PDS5A: variants seen among roughly 807,000 people sequenced by gnomAD.
PDS5A encodes the protein sister chromatid cohesion protein PDS5 homolog A.
Under a neutral mutation model 167.1 loss-of-function variants are expected in PDS5A, and 42 were observed. That is an observed-to-expected ratio of 0.25 (90% CI 0.20 to 0.33). The LOEUF (loss-of-function observed/expected upper bound fraction) is 0.33, where lower values mean the gene tolerates loss of function less well. PDS5A is among the 10% of genes least tolerant of loss of function. The pLI is 1.00. For synonymous variants in PDS5A, 553 were observed against 554.6 expected (o/e 1.00, Z 0.04); for missense variants, 1,033 against 1,605.9 (o/e 0.64, Z 6.10).
intron 2 of PDS5A, among the ~76,000 whole-genome samples, chr4:39,937,854 G>A (rs909444793): frequency 4.6e-5 from 7 of 152,226 alleles, no homozygotes; most frequent in Admixed American, 3.9e-4. Flanking sequence ...CTCTGGTGGT[G>A]CCCTAAAGCA....
chr4:39,842,112 T>A lies in PDS5A; in HGVS notation c.3549-56A>T, dbSNP rs1333512321. The stretch of plus-strand genomic sequence containing the variant: ...ATTTCCATGAAGAGAAAGTTCACTC[T>A]CTCACCGTACCAATAAAGAAAGGCT... On this transcript the variant is annotated intron_variant, in intron 30 of 32. Coordinates refer to ENST00000303538, the MANE Select transcript of PDS5A (RefSeq NM_001100399.2). The A allele has an allele frequency of 8.2e-6, 9 of 1,099,060 alleles. No homozygotes were observed. The South Asian group carries it at 1.1e-4, about 14-fold the overall frequency. The allele number at this position is 1,099,060 out of a possible 1,614,324, so 68.1% of individuals were successfully genotyped here.
intron 2 of PDS5A, among the ~76,000 whole-genome samples, chr4:39,946,781 C>T (rs985698513): frequency 2.0e-5 from 3 of 151,720 alleles, no homozygotes; most frequent in Non-Finnish European, 4.4e-5. Context: ...TCAGGCGTGG[C>T]GGGCACCTGT....
rs574568859 is a variant in PDS5A, at chr4:39,917,574, AT to A, written c.736-387del. 8.5e-3 allele frequency among the ~76,000 whole-genome samples: 1,266 copies of A among 149,796 alleles called. 10 individuals carry two copies. Among genetic ancestry groups the A allele is most frequent in the African/African-American group, 0.029 (1,183 of 40,850 alleles). ...AAAAATTACAAAGTCTCAATCTTTG[AT>A]TTTTTTTTTCTTTTTATGAGATGGA... On this transcript the variant is annotated intron_variant, in intron 7 of 32. Transcript: ENST00000303538.
intron 2 of PDS5A, among the ~76,000 whole-genome samples, chr4:39,962,395 A>C (rs1729571542): frequency 6.6e-6 from 1 of 152,062 alleles, no homozygotes; most frequent in East Asian, 1.9e-4. Flanking sequence ...TTCTTACCCC[A>C]CTGAACCTCA....
At chr4:39,954,670 TAAAA>T (rs777287409) in intron 2 of PDS5A, among the ~76,000 whole-genome samples, 3 of 48,280 alleles carry the variant, frequency 6.2e-5, no homozygotes, top group Non-Finnish European at 8.1e-5. Context: ...AAGAGATAAG[TAAAA>T]AAAAAAAAAA....
At chr4:39,869,334 G>C (rs1719820446) in intron 22 of PDS5A, 60 bp downstream of exon 22, 1 of 991,338 alleles carries the variant, frequency 1.0e-6, no homozygotes, top group Non-Finnish European at 1.6e-6. Context: ...AGGTGAGGAA[G>C]ATAACTACAA....
rs1193598898 is a variant in PDS5A, at chr4:39,873,040, T to C, written c.2382A>G (p.Pro794=). The change falls in exon 21 of 33, where the codon CCA becomes CCG. Residue 794 remains proline (P), a synonymous_variant. Transcript: ENST00000303538. ...SMLAPDQFAS[P]MKSVVANFIV... ...TAAAATTTGCTACTACAGATTTCAT[T>C]GGGGAAGCAAACTGATCTGGTGCTA... 3 of 1,540,004 alleles carry C rather than the reference T, an allele frequency of 1.9e-6. No individual in the cohort carries two copies. The highest frequency in any genetic ancestry group is 1.2e-5 in the South Asian group (1 of 80,440).
At chr4:39,948,241 A>G (rs1435917401) in intron 2 of PDS5A, among the ~76,000 whole-genome samples, 1 of 151,270 alleles carries the variant, frequency 6.6e-6, no homozygotes, top group Non-Finnish European at 1.5e-5. Context: ...AAAGAAAGAA[A>G]AAGAAAAGAG....
rs1209860951 is a variant in PDS5A at position 39,825,495 on chromosome 4, G to A, written c.4011-7C>T. ...TTTGCAAATGCATTTTTACCTTAGG[G>A]TTAAGAATAGAACGCAAAGTTAGAA... On this transcript the variant is annotated splice_polypyrimidine_tract_variant and splice_region_variant and intron_variant, in intron 32 of 32. Transcript: ENST00000303538. The A allele has an allele frequency of 5.1e-6, 8 of 1,573,790 alleles. No individual in the cohort carries two copies. The Admixed American group carries it at 5.4e-5, about 11-fold the overall frequency.
chr4:39,862,385 T>A lies in PDS5A; in HGVS notation c.2972-52A>T, dbSNP rs77288805. Reference sequence around the variant, plus strand: ...ACCTTTATAAAATGCCTTAGTGGACTGAGTTCTAACCACTTAAGTTTTCAT... The same window carrying A: ...ACCTTTATAAAATGCCTTAGTGGACAGAGTTCTAACCACTTAAGTTTTCAT... On this transcript the variant is annotated intron_variant, in intron 25 of 32. Transcript: ENST00000303538. The A allele has an allele frequency of 1.7e-3, 1,378 of 816,418 alleles. 26 individuals are homozygous for A. The East Asian group carries it at 0.035, about 21-fold the overall frequency. 50.6% of individuals were successfully genotyped at this position (816,418 alleles called of 1,614,324 possible).
At chr4:39,901,153 T>G (rs533768721) in intron 13 of PDS5A, among the ~76,000 whole-genome samples, 1 of 152,312 alleles carries the variant, frequency 6.6e-6, no homozygotes, top group Non-Finnish European at 1.5e-5. Flanking sequence ...GTCAGATATT[T>G]TGAAATGTAA....
At chr4:39,942,746 AT>A (rs1727344853) in intron 2 of PDS5A, among the ~76,000 whole-genome samples, 1 of 152,154 alleles carries the variant, frequency 6.6e-6, no homozygotes, top group South Asian at 2.1e-4. Flanking sequence ...TGAAGGGATC[AT>A]TGACTCCTTC....
intron 2 of PDS5A, among the ~76,000 whole-genome samples, chr4:39,961,513 G>C (rs530850008): frequency 6.6e-6 from 1 of 152,106 alleles, no homozygotes; most frequent in East Asian, 1.9e-4. Context: ...AGCCCACCTC[G>C]GCCTCCCAAG....
Position 39,898,413 on chromosome 4 carries a change from A to G in PDS5A, c.1746T>C (p.Ser582=), listed in dbSNP as rs1383612526. The G allele has an allele frequency of 6.3e-7, 1 of 1,582,048 alleles. No homozygotes were observed. Among genetic ancestry groups the G allele is most frequent in the Non-Finnish European group, 8.6e-7 (1 of 1,163,456 alleles). ...CCACACAAATATCTGCTTGTTTGCA[A>G]GAACAGGTTGGGCTAATTAATAACT... ...QLELLISPTC[S]CKQADICVRE... Residue 582 remains serine (S), a synonymous_variant, in exon 16 of 33, where the codon TCT becomes TCC. Coordinates refer to ENST00000303538, the MANE Select transcript of PDS5A (RefSeq NM_001100399.2).
At chr4:39,829,786 C>T (rs762266411) in intron 32 of PDS5A, among the ~76,000 whole-genome samples, 6 of 151,580 alleles carry the variant, frequency 4.0e-5, no homozygotes, top group Non-Finnish European at 2.9e-5. Flanking sequence ...CCTGTCTCCA[C>T]TAAAAATACA....
chr4:39,842,020 A>T lies in PDS5A; in HGVS notation c.3585T>A (p.Ser1195Arg). The change falls in exon 31 of 33, where the codon AGT (serine) becomes AGA (arginine). Residue 1195 changes from serine to arginine, a missense_variant. Physicochemically the swap from Ser to Arg is moderately radical, Grantham distance 110. Coordinates refer to ENST00000303538, the MANE Select transcript of PDS5A (RefSeq NM_001100399.2). ...TCCTCACAGGGTTCTCTTCATTTTC[A>T]CTAACTCCAGTTTCTGCTGCCTCTG... ...QSSEAAETGV[S>R]ENEENPVRII... The T allele has an allele frequency of 6.2e-7, 1 of 1,609,482 alleles. No individual in the cohort carries two copies. Among genetic ancestry groups the T allele is most frequent in the Non-Finnish European group, 8.5e-7 (1 of 1,175,848 alleles).
At chr4:39,960,167 G>T (rs896673935) in intron 2 of PDS5A, among the ~76,000 whole-genome samples, 1 of 152,046 alleles carries the variant, frequency 6.6e-6, no homozygotes, top group Non-Finnish European at 1.5e-5. Context: ...CTACTCGGGA[G>T]GCTAAGACAC....
chr4:39,930,215 C>CAAAAAAAAA (rs764983592), intron 2 of PDS5A, among the ~76,000 whole-genome samples: 8 of 35,090 alleles, frequency 2.3e-4, no homozygotes, highest in South Asian at 1.4e-3. Flanking sequence ...GACTCCATCT[C>CAAAAAAAAA]AAAAAAAAAA....
At chr4:39,826,946 T>C (rs1441768236) in intron 32 of PDS5A, among the ~76,000 whole-genome samples, 1 of 152,192 alleles carries the variant, frequency 6.6e-6, no homozygotes, top group African/African-American at 2.4e-5. Context: ...TTACAATTCA[T>C]ACAGAGACTA....
Sources: gnomAD v4.1 joint callset for allele counts (sites outside exome capture counted in the v4.1 genomes callset) on GRCh38, gnomAD v4.1.1 for gene constraint, MANE v1.5 for transcripts, NCBI Gene and HGNC (gene_info 2026-07-23, HGNC 2026-07-21) for gene names.